The following UGGT2 variants were observed in gnomAD, a reference collection of about 807,000 sequenced individuals.
The protein encoded by UGGT2 is UDP-glucose glycoprotein glucosyltransferase 2, also known as UDP-glucose:glycoprotein glucosyltransferase 2.
Under a neutral mutation model 192.1 loss-of-function variants are expected in UGGT2, and 180 were observed. The ratio of observed to expected loss-of-function variants is 0.94; its 90% confidence interval spans 0.83 to 1.06. UGGT2 has a LOEUF of 1.06. Among genes scored for constraint, UGGT2 ranks in the 50% least tolerant of loss-of-function variants. The pLI is 0.00. For synonymous variants in UGGT2, 580 were observed against 591.0 expected (o/e 0.98, Z 0.27); for missense variants, 1,849 against 1,795.7 (o/e 1.03, Z -0.54).
rs2051089228 is a variant in UGGT2 at position 95,980,622 on chromosome 13, C to T, written c.1092+3182G>A. Among the ~76,000 whole-genome samples the T allele has an allele frequency of 2.0e-5, 3 of 152,284 alleles. No individual in the cohort carries two copies. In the South Asian group the frequency reaches 6.2e-4, roughly 32 times the overall value. ...ACTGAAATTAAAACAAACAACTGAT[C>T]AAAGTAGATGGTTTGGGTTTGGCTT... On this transcript the variant is annotated intron_variant, in intron 10 of 38. Transcript: ENST00000376747.
Position 95,860,798 on chromosome 13 carries a change from G to A in UGGT2, c.3730C>T (p.Arg1244Cys), listed in dbSNP as rs781331814. ...AAAAAATATACCTACCTTAAAAAACGTTCATATAAATGACCAGAAGCAACT... is the reference window on the plus strand; with the variant it reads ...AAAAAATATACCTACCTTAAAAAACATTCATATAAATGACCAGAAGCAACT... ...FSVASGHLYE[R>C]FLRIMMLSVL... The change falls in exon 32 of 39, where the codon CGT becomes TGT. Residue 1244 changes from arginine (R) to cysteine (C), a missense_variant. Transcript: ENST00000376747. The A allele has an allele frequency of 3.6e-5, 54 of 1,515,704 alleles. No homozygotes were observed. Among genetic ancestry groups the A allele is most frequent in the Admixed American group, 4.1e-5 (2 of 48,512 alleles). 93.9% of individuals were successfully genotyped at this position (1,515,704 alleles called of 1,614,324 possible).
chr13:95,887,993 G>C (rs774596690), intron 25 of UGGT2, 22 bp from the exon 26 acceptor site: 2 of 1,495,410 alleles, frequency 1.3e-6, no homozygotes, highest in African/African-American at 2.8e-5. Flanking sequence ...AAATTCCCAT[G>C]TTTGATATTA....
At chr13:95,886,484 A>T (rs747621430) in intron 26 of UGGT2, among the ~76,000 whole-genome samples, 3 of 152,120 alleles carry the variant, frequency 2.0e-5, no homozygotes, top group Non-Finnish European at 4.4e-5. Flanking sequence ...TACAGAGAGG[A>T]CCCCTACTCC....
chr13:95,882,944 C>T (rs922477218), intron 27 of UGGT2, among the ~76,000 whole-genome samples: 4 of 152,130 alleles, frequency 2.6e-5, no homozygotes, highest in African/African-American at 9.7e-5. Context: ...AGAGATCTGA[C>T]TGATCATGGA....
intron 6 of UGGT2, among the ~76,000 whole-genome samples, chr13:95,997,605 T>G (rs1210218067): frequency 1.3e-5 from 2 of 151,826 alleles, no homozygotes. Flanking sequence ...ATCACACCAC[T>G]GCACTCCAGC....
intron 8 of UGGT2, 48 bp downstream of exon 8, chr13:95,989,925 C>T (rs1342625563): frequency 3.9e-6 from 5 of 1,293,468 alleles, no homozygotes; most frequent in Non-Finnish European, 5.4e-6. Flanking sequence ...TTTAACAAAA[C>T]AGATCAGTTA....
At chr13:95,922,267 C>G (rs975230154) in intron 20 of UGGT2, among the ~76,000 whole-genome samples, 1 of 151,938 alleles carries the variant, frequency 6.6e-6, no homozygotes, top group Non-Finnish European at 1.5e-5. Context: ...CTCAGGGACA[C>G]AAATATGGGA....
At chr13:95,859,392 A>T (rs1889935013) in intron 33 of UGGT2, among the ~76,000 whole-genome samples, 199 bp downstream of exon 33, 1 of 152,156 alleles carries the variant, frequency 6.6e-6, no homozygotes, top group Non-Finnish European at 1.5e-5. Context: ...TTACTTAAAA[A>T]TATACAGTCT....
intron 36 of UGGT2, among the ~76,000 whole-genome samples, chr13:95,845,077 C>T (rs1186367216): frequency 6.6e-6 from 1 of 151,960 alleles, no homozygotes; most frequent in Admixed American, 6.6e-5. Context: ...TATTTTAGTC[C>T]TTAATATAGT....
chr13:95,873,381 A>C (rs1244958667), intron 29 of UGGT2, among the ~76,000 whole-genome samples: 2 of 152,162 alleles, frequency 1.3e-5, no homozygotes, highest in Non-Finnish European at 2.9e-5. Context: ...GGAACTGTCT[A>C]TTTGTAATGG....
At chr13:95,860,714 C>A in intron 32 of UGGT2, 74 bp downstream of exon 32, 3 of 978,306 alleles carry the variant, frequency 3.1e-6, no homozygotes, top group South Asian at 2.4e-5. Context: ...AGTGTATATT[C>A]CTTTATTTTT....
Position 95,972,673 on chromosome 13 carries a change from T to C in UGGT2, c.1093-2A>G, listed in dbSNP as rs2050811301. The C allele has an allele frequency of 5.0e-6, 8 of 1,611,976 alleles. No individual in the cohort carries two copies. Among genetic ancestry groups the C allele is most frequent in the East Asian group, 4.5e-5 (2 of 44,770 alleles). On this transcript the variant is annotated splice_acceptor_variant, in intron 10 of 38. Transcript: ENST00000376747. LOFTEE classifies it high-confidence loss of function. ...AATTTTAAATCTAACTTGAAGATCCTTGAAGTAGAGCAAAGCAATAGTTAA... is the reference window on the plus strand; with the variant it reads ...AATTTTAAATCTAACTTGAAGATCCCTGAAGTAGAGCAAAGCAATAGTTAA...
At chr13:95,870,051 T>C (rs1421038262) in intron 29 of UGGT2, among the ~76,000 whole-genome samples, 1 of 152,248 alleles carries the variant, frequency 6.6e-6, no homozygotes. Flanking sequence ...GATGAAGCCT[T>C]GTTTCAAGCA....
At chr13:95,883,380 GAAGT>G (rs1335777597) in intron 27 of UGGT2, among the ~76,000 whole-genome samples, 169 of 152,090 alleles carry the variant, frequency 1.1e-3, no homozygotes, top group Non-Finnish European at 2.4e-4. Flanking sequence ...TAAGGAGAAG[GAAGT>G]AAGGACAATA....
chr13:95,849,750 G>A (rs1305906341), intron 36 of UGGT2, among the ~76,000 whole-genome samples: 1 of 151,558 alleles, frequency 6.6e-6, no homozygotes, highest in Non-Finnish European at 1.5e-5. Context: ...TGAATGTCAT[G>A]GGGGTTTAGT....
chr13:95,985,118 G>C (rs2051248259), intron 9 of UGGT2: 1 of 383,502 alleles, frequency 2.6e-6, no homozygotes, highest in Non-Finnish European at 4.5e-6. Flanking sequence ...CATCAATAGA[G>C]CTAATCAACT....
chr13:95,940,725 G>A (rs766721631), intron 15 of UGGT2, among the ~76,000 whole-genome samples: 1 of 150,902 alleles, frequency 6.6e-6, no homozygotes, highest in Non-Finnish European at 1.5e-5. Flanking sequence ...GAAGGGCTTG[G>A]CTTACAGGAA....
intron 20 of UGGT2, among the ~76,000 whole-genome samples, chr13:95,910,635 T>C (rs546773943): frequency 1.3e-5 from 2 of 152,160 alleles, no homozygotes; most frequent in South Asian, 4.1e-4. Flanking sequence ...CACACAATAA[T>C]AATGGGAGAC....
At chr13:95,929,241 A>G (rs1034764274) in intron 17 of UGGT2, among the ~76,000 whole-genome samples, 4 of 152,180 alleles carry the variant, frequency 2.6e-5, no homozygotes, top group African/African-American at 9.7e-5. Context: ...CCAATTAAGC[A>G]ATTTTAGATG....
Sources: allele counts gnomAD v4.1 joint callset (sites outside exome capture counted in the v4.1 genomes callset), GRCh38; gene constraint gnomAD v4.1.1; transcripts MANE v1.5; gene names NCBI Gene and HGNC (gene_info 2026-07-23, HGNC 2026-07-21).